Variants in CPEB3 observed in about 807,000 individuals in gnomAD.
The protein encoded by CPEB3 is cytoplasmic polyadenylation element binding protein 3.
A neutral mutation model predicts 67.2 loss-of-function variants in CPEB3; 20 were observed. The ratio of observed to expected loss-of-function variants is 0.30; its 90% CI spans 0.21 to 0.43. The LOEUF is 0.43. Ranked by LOEUF, CPEB3 falls within the 20% of genes least tolerant of loss-of-function variation. The pLI is 1.00. For synonymous variants in CPEB3, 376 were observed against 393.1 expected, an observed-to-expected ratio of 0.96 and a Z score of 0.51; for missense variants, 746 against 968.6, an observed-to-expected ratio of 0.77 and a Z score of 3.05.
At chr10:92,091,356 T>G (rs1449189280) in intron 8 of CPEB3, among the ~76,000 whole-genome samples, 1 of 152,168 alleles carries the variant, frequency 6.6e-6, no homozygotes, top group Non-Finnish European at 1.5e-5. Context: ...TCTTTGGATT[T>G]AAATATGTAT....
intron 9 of CPEB3, among the ~76,000 whole-genome samples, chr10:92,078,566 T>C (rs1268360154): frequency 6.6e-6 from 1 of 152,144 alleles, no homozygotes; most frequent in African/African-American, 2.4e-5. Flanking sequence ...TCCCTACTCT[T>C]TCCACTACAA....
chr10:92,288,253 AG>A (rs1842628891), intron 1 of CPEB3, among the ~76,000 whole-genome samples: 1 of 152,026 alleles, frequency 6.6e-6, no homozygotes, highest in Non-Finnish European at 1.5e-5. Context: ...TGTGCTCATG[AG>A]TTCGAAACCA....
intron 6 of CPEB3, among the ~76,000 whole-genome samples, chr10:92,131,427 T>C (rs1845838287): frequency 6.6e-6 from 1 of 152,164 alleles, no homozygotes; most frequent in African/African-American, 2.4e-5. Context: ...TGTTGTAAAA[T>C]ATGGCATATA....
intron 6 of CPEB3, among the ~76,000 whole-genome samples, chr10:92,131,789 TAA>T (rs1405937216): frequency 1.3e-5 from 2 of 152,096 alleles, no homozygotes; most frequent in African/African-American, 4.8e-5. Flanking sequence ...ACGTTTTCTG[TAA>T]AGAGATGTGT....
intron 4 of CPEB3, among the ~76,000 whole-genome samples, chr10:92,170,980 C>T (rs1590296095): frequency 6.6e-6 from 1 of 152,190 alleles, no homozygotes; most frequent in Non-Finnish European, 1.5e-5. Flanking sequence ...CATTTCTGAA[C>T]TCCCAAATAA....
intron 2 of CPEB3, among the ~76,000 whole-genome samples, chr10:92,226,078 C>T (rs367661451): frequency 9.2e-5 from 14 of 152,212 alleles, no homozygotes; most frequent in African/African-American, 2.2e-4. Context: ...GCCTGGGCAA[C>T]GGAGCGAGGC....
chr10:92,211,729 G>A (rs998622325), intron 2 of CPEB3, among the ~76,000 whole-genome samples: 1 of 150,678 alleles, frequency 6.6e-6, no homozygotes, highest in Non-Finnish European at 1.5e-5. Flanking sequence ...TTTTAGTAGA[G>A]ACCGGGTTTC....
At chr10:92,283,464 G>A (rs1206171155) in intron 1 of CPEB3, among the ~76,000 whole-genome samples, 3 of 152,134 alleles carry the variant, frequency 2.0e-5, no homozygotes, top group Non-Finnish European at 1.5e-5. Flanking sequence ...AAGAGATTCT[G>A]TAACCTGCCC....
intron 1 of CPEB3, among the ~76,000 whole-genome samples, chr10:92,274,182 C>T (rs764550483): frequency 1.3e-5 from 2 of 152,144 alleles, no homozygotes; most frequent in Admixed American, 1.3e-4. Flanking sequence ...AAAGGGTTGT[C>T]GTCACGATCT....
chr10:92,144,485 T>A (rs1846585923), intron 5 of CPEB3, among the ~76,000 whole-genome samples: 2 of 152,244 alleles, frequency 1.3e-5, no homozygotes, highest in Admixed American at 6.5e-5. Flanking sequence ...AGGCTGGTCT[T>A]GAACCCCTGG....
At chr10:92,219,896 G>A (rs377165972) in intron 2 of CPEB3, among the ~76,000 whole-genome samples, 7 of 152,296 alleles carry the variant, frequency 4.6e-5, no homozygotes, top group Non-Finnish European at 8.8e-5. Context: ...GGTGGCTCAC[G>A]CCTGTAATCC....
intron 4 of CPEB3, among the ~76,000 whole-genome samples, chr10:92,150,204 G>T (rs1260061228): frequency 6.6e-6 from 1 of 151,868 alleles, no homozygotes; most frequent in Admixed American, 6.6e-5. Context: ...AATGGTTCAC[G>T]TGGTATTTCC....
intron 4 of CPEB3, among the ~76,000 whole-genome samples, chr10:92,175,099 T>C (rs912694071): frequency 1.3e-5 from 2 of 151,816 alleles, no homozygotes; most frequent in African/African-American, 4.8e-5. Context: ...ACACATGACT[T>C]CTCCAAGATC....
intron 6 of CPEB3, among the ~76,000 whole-genome samples, chr10:92,128,079 T>C (rs1845683127): frequency 6.6e-6 from 1 of 152,242 alleles, no homozygotes. Context: ...GGAAGCCATA[T>C]AATAGCAAAT....
In CPEB3 at chr10:92,263,999, T is replaced by C. The variant is rs139461165; in HGVS notation, c.-11-23638A>G. Among the ~76,000 whole-genome samples the C allele has an allele frequency of 1.8e-3, 275 of 152,208 alleles. 1 individual carries two copies. The highest frequency in any genetic ancestry group is 6.4e-3 in the African/African-American group (267 of 41,550). On this transcript the variant is annotated intron_variant, in intron 1 of 9. Coordinates refer to ENST00000265997, the MANE Select transcript of CPEB3 (RefSeq NM_014912.5). ...TAATAACCCTAAAAGATGGAAGCTA[T>C]CATTCTTCTCATTTTTCAGATAAGG...
chr10:92,180,321 C>T (rs1848406843), intron 4 of CPEB3, among the ~76,000 whole-genome samples: 1 of 152,198 alleles, frequency 6.6e-6, no homozygotes, highest in South Asian at 2.1e-4. Flanking sequence ...GGATGTCCAG[C>T]TTGAAATACC....
intron 9 of CPEB3, among the ~76,000 whole-genome samples, chr10:92,079,069 A>G (rs1450371730): frequency 6.6e-6 from 1 of 152,148 alleles, no homozygotes; most frequent in African/African-American, 2.4e-5. Context: ...GAGAAAAAAG[A>G]AAGCTACTTC....
intron 4 of CPEB3, among the ~76,000 whole-genome samples, chr10:92,168,304 C>T (rs1847839549): frequency 6.6e-6 from 1 of 152,154 alleles, no homozygotes; most frequent in South Asian, 2.1e-4. Context: ...TTAAGCAAAA[C>T]AGGATTTATT....
At chr10:92,106,442 G>C (rs897721434) in intron 7 of CPEB3, among the ~76,000 whole-genome samples, 4 of 152,066 alleles carry the variant, frequency 2.6e-5, no homozygotes, top group African/African-American at 7.2e-5. Context: ...TAACATTCAC[G>C]ATACATGATG....
Sources: allele counts gnomAD v4.1 joint callset (sites outside exome capture counted in the v4.1 genomes callset), GRCh38; gene constraint gnomAD v4.1.1; transcripts MANE v1.5; gene names NCBI Gene and HGNC (gene_info 2026-07-23, HGNC 2026-07-21).